The following SPIN1 variants were observed in gnomAD, a reference collection of about 807,000 sequenced individuals.
The protein encoded by SPIN1 is spindlin-1.
SPIN1 carries 3 observed loss-of-function variants against 26.0 expected under a neutral mutation model. That is an observed-to-expected ratio of 0.12 (90% CI 0.05 to 0.30). The LOEUF is 0.30. SPIN1 is among the 10% of genes least tolerant of loss of function. The pLI, the probability that SPIN1 is intolerant of heterozygous loss-of-function variation, is 1.00. For missense variants in SPIN1, 126 were observed against 333.4 expected (o/e 0.38, Z 4.84); for synonymous variants, 101 against 116.5 (o/e 0.87, Z 0.86).
chr9:88,463,532 G>C (rs1828610026), intron 4 of SPIN1, among the ~76,000 whole-genome samples: 1 of 152,028 alleles, frequency 6.6e-6, no homozygotes, highest in African/African-American at 2.4e-5. Flanking sequence ...AGGAATTTTG[G>C]GATCAAATTG....
chr9:88,444,394 C>G lies in SPIN1; in HGVS notation c.53-4547C>G, dbSNP rs527927590. ...TAGCTGGGACTACAGGCACCTGCCACTATGCCCGGCTAATTTTTTTTGTAT... is the reference window on the plus strand; with the variant it reads ...TAGCTGGGACTACAGGCACCTGCCAGTATGCCCGGCTAATTTTTTTTGTAT... On this transcript the variant is annotated intron_variant, in intron 2 of 5. Transcript: ENST00000375859. 7.9e-5 allele frequency among the ~76,000 whole-genome samples: 12 copies of G among 151,088 alleles called. No individual in the cohort carries two copies. The East Asian group carries it at 2.4e-3, about 30-fold the overall frequency.
intron 1 of SPIN1, among the ~76,000 whole-genome samples, chr9:88,400,844 C>CAAAA (rs754813928): frequency 2.0e-5 from 2 of 99,726 alleles, no homozygotes; most frequent in Non-Finnish European, 2.4e-5. Context: ...GACTCCGCCT[C>CAAAA]AAAAAAAAAA....
intron 1 of SPIN1, among the ~76,000 whole-genome samples, chr9:88,394,101 A>C (rs758497442): frequency 1.2e-4 from 18 of 152,166 alleles, no homozygotes; most frequent in Non-Finnish European, 2.2e-4. Flanking sequence ...CTCTCACCTC[A>C]GCCTCCCAAA....
chr9:88,418,866 A>G (rs1827619076), intron 1 of SPIN1: 1 of 152,154 alleles, frequency 6.6e-6, no homozygotes, highest in African/African-American at 2.4e-5. Flanking sequence ...AGTTTCCAAG[A>G]TGGAATAGTT....
intron 3 of SPIN1, among the ~76,000 whole-genome samples, chr9:88,455,582 A>T (rs1198665397): frequency 1.3e-5 from 2 of 152,226 alleles, no homozygotes; most frequent in African/African-American, 2.4e-5. Flanking sequence ...GATTGTTAAT[A>T]ATTTAATGTA....
intron 1 of SPIN1, among the ~76,000 whole-genome samples, chr9:88,391,125 C>G (rs1314389904): frequency 1.3e-5 from 2 of 152,130 alleles, no homozygotes; most frequent in African/African-American, 4.8e-5. Flanking sequence ...GACCTACTGG[C>G]TCTTTGGGTC....
chr9:88,462,213 G>A (rs768738291), intron 3 of SPIN1, among the ~76,000 whole-genome samples: 5 of 152,176 alleles, frequency 3.3e-5, no homozygotes, highest in Non-Finnish European at 7.3e-5. Flanking sequence ...ATGCTTAATA[G>A]TAGGGCTTAA....
At chr9:88,445,516 CTTTTATTAT>C (rs1383828175) in intron 2 of SPIN1, among the ~76,000 whole-genome samples, 6 of 107,936 alleles carry the variant, frequency 5.6e-5, no homozygotes, top group East Asian at 6.3e-4. Context: ...TGTATTGAGA[CTTTTATTAT>C]TATTATTATT....
At chr9:88,470,600 C>T (rs1334808990) in intron 5 of SPIN1, among the ~76,000 whole-genome samples, 2 of 129,930 alleles carry the variant, frequency 1.5e-5, no homozygotes, top group African/African-American at 4.6e-5. Flanking sequence ...TGGCCCCCCC[C>T]CTTTTTTTTT....
intron 2 of SPIN1, among the ~76,000 whole-genome samples, chr9:88,443,141 A>AC (rs1828174695): frequency 6.6e-6 from 1 of 151,888 alleles, no homozygotes; most frequent in African/African-American, 2.4e-5. Context: ...AAAACAAAAA[A>AC]AAACTCAGTC....
chr9:88,463,586 C>T (rs1207090585), intron 4 of SPIN1, among the ~76,000 whole-genome samples: 2 of 152,184 alleles, frequency 1.3e-5, no homozygotes, highest in African/African-American at 4.8e-5. Context: ...TGTTTTTCTT[C>T]AGACTGTGCC....
intron 4 of SPIN1, among the ~76,000 whole-genome samples, chr9:88,464,498 G>A (rs545661924): frequency 6.6e-6 from 1 of 152,192 alleles, no homozygotes; most frequent in African/African-American, 2.4e-5. Context: ...CCAAAGCAAG[G>A]CCTGGGGACC....
intron 3 of SPIN1, among the ~76,000 whole-genome samples, chr9:88,460,398 G>A (rs10116361): frequency 0.19 from 28,693 of 152,034 alleles, 3,532 homozygotes; most frequent in African/African-American, 0.35. Flanking sequence ...CTTGTCTAGC[G>A]ATCTCATTTC....
intron 2 of SPIN1, among the ~76,000 whole-genome samples, chr9:88,429,967 A>G (rs1183071608): frequency 6.6e-6 from 1 of 152,180 alleles, no homozygotes; most frequent in Non-Finnish European, 1.5e-5. Context: ...TCACAGTATT[A>G]CAGAAGTATA....
intron 3 of SPIN1, among the ~76,000 whole-genome samples, chr9:88,455,948 G>A (rs997858598): frequency 4.6e-5 from 7 of 152,180 alleles, no homozygotes; most frequent in African/African-American, 1.7e-4. Context: ...CAAGACCCCA[G>A]TTCTTTAAAT....
chr9:88,445,518 T>TTCATTA (rs1554695905), intron 2 of SPIN1, among the ~76,000 whole-genome samples: 2 of 134,610 alleles, frequency 1.5e-5, no homozygotes, highest in Admixed American at 7.7e-5. Flanking sequence ...TATTGAGACT[T>TTCATTA]TTATTATTAT....
At chr9:88,415,993 T>C (rs1827556268) in intron 1 of SPIN1, among the ~76,000 whole-genome samples, 1 of 151,494 alleles carries the variant, frequency 6.6e-6, no homozygotes, top group Admixed American at 6.6e-5. Context: ...CCTGACCTCG[T>C]GATCTGCCCG....
intron 5 of SPIN1, among the ~76,000 whole-genome samples, chr9:88,469,256 C>T (rs1246894506): frequency 6.6e-6 from 1 of 152,200 alleles, no homozygotes; most frequent in Non-Finnish European, 1.5e-5. Context: ...TGACAGGAGG[C>T]AGAGCTCAGA....
chr9:88,421,212 T>A (rs978684505), intron 1 of SPIN1, among the ~76,000 whole-genome samples: 3 of 152,208 alleles, frequency 2.0e-5, no homozygotes, highest in Non-Finnish European at 4.4e-5. Context: ...AATGTCTTTG[T>A]TGTGCTTTTA....
Sources: gnomAD v4.1 joint callset for allele counts (sites outside exome capture counted in the v4.1 genomes callset) on GRCh38, gnomAD v4.1.1 for gene constraint, MANE v1.5 for transcripts, NCBI Gene and HGNC (gene_info 2026-07-23, HGNC 2026-07-21) for gene names.